Variants in TMEM51 observed in about 807,000 individuals in gnomAD.
The protein encoded by TMEM51 is chromosome 1 open reading frame 72.
TMEM51 carries 8 observed loss-of-function variants against 13.6 expected under a neutral mutation model. That is an observed-to-expected ratio of 0.59 (90% CI 0.35 to 1.07). The LOEUF (loss-of-function observed/expected upper bound fraction) is 1.07. Among genes scored for constraint, TMEM51 ranks in the 50% least tolerant of loss-of-function variants. The probability of loss-of-function intolerance (pLI) is 0.02; values close to 1 mark genes in which losing one functional copy is unlikely to be tolerated. For synonymous variants in TMEM51, 147 were observed against 144.4 expected (o/e 1.02, Z -0.13); for missense variants, 279 against 330.7 (o/e 0.84, Z 1.21).
chr1:15,193,670 T>G (rs1643986093), intron 1 of TMEM51, among the ~76,000 whole-genome samples: 1 of 146,652 alleles, frequency 6.8e-6, no homozygotes. Flanking sequence ...CTCCATCTCC[T>G]GGGTTCAAGT....
Position 15,154,570 on chromosome 1 carries a change from C to T in TMEM51, c.-267+616C>T, listed in dbSNP as rs114729350. Among the ~76,000 whole-genome samples the T allele has an allele frequency of 3.4e-3, 522 of 152,230 alleles. 2 individuals carry two copies. Among genetic ancestry groups the T allele is most frequent in the African/African-American group, 0.012 (495 of 41,554 alleles). Reference sequence around the variant, plus strand: ...CAGGGTGCGGCGGGGCATTCATGCCCAGCACCCAGCAAGCACTCAGCGGTA... The same window carrying T: ...CAGGGTGCGGCGGGGCATTCATGCCTAGCACCCAGCAAGCACTCAGCGGTA... On this transcript the variant is annotated intron_variant, in intron 1 of 3. Transcript: ENST00000376008.
chr1:15,215,382 C>G lies in TMEM51; in HGVS notation c.295C>G (p.His99Asp). Reference sequence around the variant, plus strand: ...GCAGCGGCAGGGCGAGGACCTGGCCCATGTCCAGCACCCGACAGGCGCTGG... The same window carrying G: ...GCAGCGGCAGGGCGAGGACCTGGCCGATGTCCAGCACCCGACAGGCGCTGG... ...RKQRQGEDLAHVQHPTGAGPH... is the reference protein window; with the variant it reads ...RKQRQGEDLADVQHPTGAGPH... Residue 99 changes from histidine (H) to aspartate (D), a missense_variant, in exon 3 of 4, where the codon CAT (histidine) becomes GAT (aspartate). Coordinates refer to ENST00000376008, the MANE Select transcript of TMEM51 (RefSeq NM_001136218.2). 6.2e-7 allele frequency: 1 copy of G among 1,609,086 alleles called. No homozygotes were observed. The highest frequency in any genetic ancestry group is 8.5e-7 in the Non-Finnish European group (1 of 1,179,478).
At chr1:15,192,250 A>AGCGTAAGTACACGGGT in intron 1 of TMEM51, 1 of 319,752 alleles carries the variant, frequency 3.1e-6, no homozygotes, top group Non-Finnish European at 6.2e-6. Context: ...TCTTTCACTT[A>AGCGTAAGTACACGGGT]GTTTTTAGCA....
chr1:15,175,873 C>T (rs192457173), intron 1 of TMEM51, among the ~76,000 whole-genome samples: 258 of 152,282 alleles, frequency 1.7e-3, no homozygotes, highest in Admixed American at 2.8e-3. Flanking sequence ...TTTGGGTGGG[C>T]GCACAGCCAA....
At chr1:15,180,739 T>C (rs1643591108) in intron 1 of TMEM51, among the ~76,000 whole-genome samples, 1 of 152,222 alleles carries the variant, frequency 6.6e-6, no homozygotes, top group Non-Finnish European at 1.5e-5. Flanking sequence ...ACAGAGCCTT[T>C]AGCACGGGGA....
At chr1:15,215,481 C>CGCAT in intron 3 of TMEM51, 50 bp downstream of exon 3, 1 of 1,470,530 alleles carries the variant, frequency 6.8e-7, no homozygotes, top group Non-Finnish European at 9.1e-7. Context: ...TGGGCACGCA[C>CGCAT]GCATGCACAC....
intron 1 of TMEM51, among the ~76,000 whole-genome samples, chr1:15,201,126 G>A (rs975007414): frequency 2.0e-5 from 3 of 152,178 alleles, no homozygotes; most frequent in African/African-American, 7.2e-5. Flanking sequence ...AATCTTTGCT[G>A]CACCATTCAC....
intron 1 of TMEM51, among the ~76,000 whole-genome samples, chr1:15,174,725 T>G (rs922211941): frequency 2.0e-5 from 3 of 152,198 alleles, no homozygotes; most frequent in African/African-American, 7.2e-5. Context: ...GGGTGTAGTT[T>G]AAGACCCAGC....
intron 1 of TMEM51, among the ~76,000 whole-genome samples, chr1:15,156,773 A>C (rs185423057): frequency 1.8e-3 from 272 of 152,312 alleles, no homozygotes; most frequent in African/African-American, 6.4e-3. Flanking sequence ...TTACCCAAGG[A>C]CACACAACAG....
chr1:15,172,656 C>T (rs1643325350), intron 1 of TMEM51, among the ~76,000 whole-genome samples: 1 of 152,140 alleles, frequency 6.6e-6, no homozygotes, highest in Non-Finnish European at 1.5e-5. Flanking sequence ...TACAAGAGTT[C>T]CTCCTTTTCT....
At chr1:15,163,827 T>TG (rs201334078) in intron 1 of TMEM51, among the ~76,000 whole-genome samples, 650 of 51,980 alleles carry the variant, frequency 0.013, 10 homozygotes, top group African/African-American at 0.023. Flanking sequence ...TGGCTTTTTT[T>TG]GGGGGGGGGG....
At chr1:15,173,686 A>C (rs1173799188) in intron 1 of TMEM51, among the ~76,000 whole-genome samples, 2 of 151,996 alleles carry the variant, frequency 1.3e-5, no homozygotes, top group African/African-American at 4.8e-5. Context: ...TAAAAAAAAA[A>C]AAACACAAAC....
chr1:15,200,038 G>A lies in TMEM51; in HGVS notation c.-266-10452G>A, dbSNP rs12142073. Among the ~76,000 whole-genome samples, 1,512 of 152,186 alleles carry A rather than the reference G, an allele frequency of 9.9e-3. 10 individuals are homozygous for A. The highest frequency in any genetic ancestry group is 0.017 in the Non-Finnish European group (1,132 of 68,000). Reference sequence around the variant, plus strand: ...GCGAAGCAAATGTGGGCTGGATTGCGTCCCCCGCCAAATTCCTTTGTTGAA... The same window carrying A: ...GCGAAGCAAATGTGGGCTGGATTGCATCCCCCGCCAAATTCCTTTGTTGAA... On this transcript the variant is annotated intron_variant, in intron 1 of 3. Transcript: ENST00000376008.
At chr1:15,154,247 C>G (rs1021837746) in intron 1 of TMEM51, among the ~76,000 whole-genome samples, 9 of 152,354 alleles carry the variant, frequency 5.9e-5, no homozygotes, top group African/African-American at 1.9e-4. Context: ...GGAACAGGTG[C>G]TATCCGCCCG....
chr1:15,173,322 C>T (rs573847862), intron 1 of TMEM51, among the ~76,000 whole-genome samples: 19 of 148,464 alleles, frequency 1.3e-4, no homozygotes, highest in Non-Finnish European at 2.4e-4. Context: ...CAGGTTCAAG[C>T]GATTCTCCCG....
At chr1:15,169,156 C>A (rs1643143831) in intron 1 of TMEM51, among the ~76,000 whole-genome samples, 1 of 152,130 alleles carries the variant, frequency 6.6e-6, no homozygotes, top group Non-Finnish European at 1.5e-5. Context: ...AATAACAGGG[C>A]CCACAGCTAG....
chr1:15,195,228 G>A (rs775281508), intron 1 of TMEM51, among the ~76,000 whole-genome samples: 17 of 151,920 alleles, frequency 1.1e-4, no homozygotes, highest in Non-Finnish European at 1.6e-4. Flanking sequence ...CCACTGCACC[G>A]GCCTGCCCCA....
intron 1 of TMEM51, among the ~76,000 whole-genome samples, chr1:15,190,434 C>A (rs1643900831): frequency 6.6e-6 from 1 of 152,202 alleles, no homozygotes; most frequent in Non-Finnish European, 1.5e-5. Flanking sequence ...GAACCTGACA[C>A]ACATTGTCTA....
At chr1:15,174,737 G>A (rs1643401961) in intron 1 of TMEM51, among the ~76,000 whole-genome samples, 1 of 152,166 alleles carries the variant, frequency 6.6e-6, no homozygotes, top group Admixed American at 6.5e-5. Flanking sequence ...AGACCCAGCA[G>A]TGTTCAATTT....
Sources: allele counts gnomAD v4.1 joint callset (sites outside exome capture counted in the v4.1 genomes callset), GRCh38; gene constraint gnomAD v4.1.1; transcripts MANE v1.5; gene names NCBI Gene and HGNC (gene_info 2026-07-23, HGNC 2026-07-21).